SEC14L3: variants seen among roughly 807,000 people sequenced by gnomAD.
The protein encoded by SEC14L3 is SEC14 like lipid binding 3.
A neutral mutation model predicts 57.4 loss-of-function variants in SEC14L3; 56 were observed. The ratio of observed to expected loss-of-function variants is 0.97; its 90% CI spans 0.79 to 1.22. SEC14L3 has a LOEUF of 1.22. Ranked by LOEUF, SEC14L3 falls within the 50% of genes most tolerant of loss-of-function variation. The probability of loss-of-function intolerance (pLI) is 0.00; values close to 1 mark genes in which losing one functional copy is unlikely to be tolerated. For synonymous variants in SEC14L3, 173 were observed against 194.4 expected (o/e 0.89, Z 0.92); for missense variants, 485 against 511.7 (o/e 0.95, Z 0.50).
Position 30,466,971 on chromosome 22 carries a change from C to G in SEC14L3, c.519+11G>C. 6.2e-7 allele frequency: 1 copy of G among 1,612,270 alleles called. No homozygotes were observed. The highest frequency in any genetic ancestry group is 1.1e-5 in the South Asian group (1 of 90,862). On this transcript the variant is annotated intron_variant, in intron 6 of 11. Transcript: ENST00000215812. ...AAGCAAGCGGGGGGTGGCCCTAGGA[C>G]TTCTCCTTACCTCCTGGTACACTTC...
At chr22:30,452,246 C>CTTTTTTTTTTTTT (rs750537241) in intron 12 of SEC14L3, among the ~76,000 whole-genome samples, 14 of 90,026 alleles carry the variant, frequency 1.6e-4, no homozygotes, top group Non-Finnish European at 2.5e-4. Context: ...TTCTTTCTTT[C>CTTTTTTTTTTTTT]TTTTTTTTTT....
Position 30,468,506 on chromosome 22 carries a change from A to G in SEC14L3, c.423+2T>C. 1.2e-6 allele frequency: 2 copies of G among 1,607,456 alleles called. No homozygotes were observed. The highest frequency in any genetic ancestry group is 1.7e-6 in the Non-Finnish European group (2 of 1,175,540). ...ATCCACCCCACCTGGCCTGGACCTC[A>G]CCCTCTCTGTCTGCAGGTCACACTC... is the stretch of plus-strand genomic sequence containing the variant. On this transcript the variant is annotated splice_donor_variant, in intron 5 of 11. Coordinates refer to ENST00000215812, the MANE Select transcript of SEC14L3 (RefSeq NM_174975.5). LOFTEE classifies it high-confidence loss of function.
Position 30,461,297 on chromosome 22 carries a change from G to A in SEC14L3, c.1081+13C>T, listed in dbSNP as rs1399030145. The A allele has an allele frequency of 1.9e-6, 3 of 1,564,818 alleles. No homozygotes were observed. Among genetic ancestry groups the A allele is most frequent in the African/African-American group, 1.4e-5 (1 of 73,348 alleles). Reference sequence around the variant, plus strand: ...AGCCTTTCAGAGCCAGGTCCCAGCTGGGGCAGACTTACAGACGCCGGCCTC... The same window carrying A: ...AGCCTTTCAGAGCCAGGTCCCAGCTAGGGCAGACTTACAGACGCCGGCCTC... On this transcript the variant is annotated intron_variant, in intron 11 of 11. Transcript: ENST00000215812.
intron 12 of SEC14L3, among the ~76,000 whole-genome samples, chr22:30,450,479 T>G (rs1233432277): frequency 2.6e-5 from 4 of 152,062 alleles, no homozygotes; most frequent in Admixed American, 1.3e-4. Context: ...ATTTGTATAT[T>G]TTTAGTAGAG....
chr22:30,460,856 A>G (rs1935233889), intron 11 of SEC14L3, among the ~76,000 whole-genome samples: 1 of 151,754 alleles, frequency 6.6e-6, no homozygotes, highest in South Asian at 2.1e-4. Flanking sequence ...AAAAAAGAGA[A>G]AAAACAGGCA....
chr22:30,468,487 C>A (rs199914110), intron 5 of SEC14L3, 21 bp downstream of exon 5: 12 of 1,585,754 alleles, frequency 7.6e-6, no homozygotes, highest in East Asian at 2.3e-5. Flanking sequence ...AGCCATCCAC[C>A]CCACCTGGCC....
downstream of SEC14L3, among the ~76,000 whole-genome samples, chr22:30,456,370 A>C (rs776299568): frequency 6.6e-6 from 1 of 151,904 alleles, no homozygotes; most frequent in Non-Finnish European, 1.5e-5. Context: ...ATTTACAAAG[A>C]AAAGAGGTTT....
chr22:30,452,010 G>GAAAAAAAAAGAAAAAAAAAA (rs1226997169), intron 12 of SEC14L3, among the ~76,000 whole-genome samples: 1 of 110,002 alleles, frequency 9.1e-6, no homozygotes, highest in Non-Finnish European at 1.8e-5. Flanking sequence ...AAAAAAAAAA[G>GAAAAAAAAAGAAAAAAAAAA]AAAAAAGAAA....
chr22:30,451,991 CAAAAAAAAAA>C (rs34799395), intron 12 of SEC14L3, among the ~76,000 whole-genome samples: 1 of 33,836 alleles, frequency 3.0e-5, no homozygotes, highest in African/African-American at 1.5e-4. Flanking sequence ...GACTCCATCT[CAAAAAAAAAA>C]AAAAAAAAGA....
At chr22:30,467,143 A>G in intron 5 of SEC14L3, 66 bp from the exon 6 acceptor site, 2 of 1,605,418 alleles carry the variant, frequency 1.2e-6, no homozygotes, top group Non-Finnish European at 1.7e-6. Flanking sequence ...TGGTAATCCA[A>G]GTACATGACC....
chr22:30,454,320 G>A (rs557021537), downstream of SEC14L3, among the ~76,000 whole-genome samples: 2 of 151,906 alleles, frequency 1.3e-5, no homozygotes, highest in Non-Finnish European at 2.9e-5. Flanking sequence ...CCTGCCAGCT[G>A]GGAGGCCCAC....
chr22:30,459,709 A>G lies in SEC14L3; in HGVS notation c.*312T>C, dbSNP rs765306565. On this transcript the variant is annotated 3_prime_UTR_variant, in exon 12 of 12. Transcript: ENST00000215812. ...ATACGGAAGGAATTCAAGCATACAC[A>G]CCTGCCTTAGGGTAGGTGAGGACAA... 4.0e-5 allele frequency: 42 copies of G among 1,053,034 alleles called. No individual in the cohort carries two copies. Among genetic ancestry groups the G allele is most frequent in the Non-Finnish European group, 4.8e-5 (42 of 870,866 alleles). The allele number at this position is 1,053,034 out of a possible 1,614,324, so 65.2% of individuals were successfully genotyped here.
chr22:30,470,684 A>G lies in SEC14L3; in HGVS notation c.55-102T>C, dbSNP rs567964934. 18 of 1,562,156 alleles carry G rather than the reference A, an allele frequency of 1.2e-5. No individual in the cohort carries two copies. In the East Asian group the frequency reaches 4.1e-4, roughly 36 times the overall value. Reference sequence around the variant, plus strand: ...ACCTCTCCTTTCCTCCCACATGCAAAATGGCCCACATTGATGAAAGGATGG... The same window carrying G: ...ACCTCTCCTTTCCTCCCACATGCAAGATGGCCCACATTGATGAAAGGATGG... On this transcript the variant is annotated intron_variant, in intron 1 of 11. Transcript: ENST00000215812.
At chr22:30,460,361 C>T (rs776176748) in intron 11 of SEC14L3, 58 of 752,388 alleles carry the variant, frequency 7.7e-5, no homozygotes, top group Admixed American at 1.2e-4. Context: ...CCAGGCATGG[C>T]TTTACTGGCA....
At chr22:30,464,283 A>C (rs917691844) in intron 8 of SEC14L3, among the ~76,000 whole-genome samples, 2 of 152,168 alleles carry the variant, frequency 1.3e-5, no homozygotes, top group African/African-American at 4.8e-5. Context: ...CCAGAAATTG[A>C]CTGCAACCAA....
intron 12 of SEC14L3, among the ~76,000 whole-genome samples, chr22:30,450,845 T>C (rs569475327): frequency 5.3e-5 from 8 of 152,274 alleles, no homozygotes; most frequent in African/African-American, 1.9e-4. Context: ...CCTGAAACTG[T>C]AGGTGGGCTC....
intron 3 of SEC14L3, 57 bp from the exon 4 acceptor site, chr22:30,470,135 G>A (rs909169587): frequency 1.2e-6 from 2 of 1,612,514 alleles, no homozygotes; most frequent in South Asian, 2.2e-5. Flanking sequence ...TGAGAACAGG[G>A]ATGGAAGGAG....
chr22:30,454,835 A>ATAATATATTATATATTATATTATTAT (rs1569225276), downstream of SEC14L3, among the ~76,000 whole-genome samples: 143 of 10,386 alleles, frequency 0.014, 41 homozygotes, highest in African/African-American at 0.14. Flanking sequence ...TATAATATAT[A>ATAATATATTATATATTATATTATTAT]ATAATATATA....
chr22:30,453,989 A>G (rs1935034924), intron 12 of SEC14L3, among the ~76,000 whole-genome samples: 1 of 152,074 alleles, frequency 6.6e-6, no homozygotes, highest in African/African-American at 2.4e-5. Context: ...AGGTTCATGG[A>G]TAGTCATGCT....
Sources: gnomAD v4.1 joint callset for allele counts (sites outside exome capture counted in the v4.1 genomes callset) on GRCh38, gnomAD v4.1.1 for gene constraint, MANE v1.5 for transcripts, NCBI Gene and HGNC (gene_info 2026-07-23, HGNC 2026-07-21) for gene names.